Variants in RABGAP1 observed in about 807,000 individuals in gnomAD.
The protein encoded by RABGAP1 is rab GTPase-activating protein 1.
In RABGAP1, 23 loss-of-function variants were observed where a neutral mutation model predicts 137.6. That is an observed-to-expected ratio of 0.17 (90% CI 0.12 to 0.24). RABGAP1 has a LOEUF of 0.24. Among genes scored for constraint, RABGAP1 ranks in the 10% least tolerant of loss-of-function variants. RABGAP1 has a pLI of 1.00. For synonymous variants in RABGAP1, 451 were observed against 450.7 expected (o/e 1.00, Z -0.01); for missense variants, 906 against 1,275.8 (o/e 0.71, Z 4.42).
chr9:122,950,367 CTTTTTCTTTCTTTTTTTTT>C (rs1834164140), intron 1 of RABGAP1, among the ~76,000 whole-genome samples: 1 of 60,414 alleles, frequency 1.7e-5, no homozygotes, highest in Non-Finnish European at 3.1e-5. Flanking sequence ...TTTTCTTTTT[CTTTTTCTTTCTTTTTTTTT>C]TTTTTTTTTT....
At chr9:123,064,831 G>T (rs2132119066) in intron 13 of RABGAP1, among the ~76,000 whole-genome samples, 1 of 152,310 alleles carries the variant, frequency 6.6e-6, no homozygotes, top group African/African-American at 2.4e-5. Context: ...GCATTTGGTG[G>T]TCTTGTTCAT....
intron 1 of RABGAP1, among the ~76,000 whole-genome samples, chr9:122,952,657 G>T (rs1181401614): frequency 6.6e-6 from 1 of 152,078 alleles, no homozygotes; most frequent in African/African-American, 2.4e-5. Context: ...GATCACCTGA[G>T]CCCGGGAGTT....
At chr9:122,942,669 C>CAAAAAAAAAAAAAAAAA (rs10660327) in intron 1 of RABGAP1, among the ~76,000 whole-genome samples, 14 of 90,330 alleles carry the variant, frequency 1.5e-4, no homozygotes, top group Non-Finnish European at 2.7e-4. Flanking sequence ...GACTCCGTCT[C>CAAAAAAAAAAAAAAAAA]AAAAAAAAAA....
intron 1 of RABGAP1, among the ~76,000 whole-genome samples, chr9:122,951,767 G>A (rs1834263567): frequency 6.6e-6 from 1 of 152,104 alleles, no homozygotes; most frequent in African/African-American, 2.4e-5. Flanking sequence ...GAGATGGGAT[G>A]TAACTATATT....
chr9:122,949,479 A>T (rs1028276564), intron 1 of RABGAP1, among the ~76,000 whole-genome samples: 1 of 151,998 alleles, frequency 6.6e-6, no homozygotes. Flanking sequence ...ATGCCATTGC[A>T]CTCCAACCTG....
chr9:123,015,710 T>A, intron 12 of RABGAP1, 74 bp downstream of exon 12: 1 of 1,043,512 alleles, frequency 9.6e-7, no homozygotes, highest in Non-Finnish European at 1.4e-6. Flanking sequence ...CTAACTATAA[T>A]CAATTTTGGA....
chr9:122,958,301 A>G (rs191812947), intron 2 of RABGAP1, among the ~76,000 whole-genome samples: 1 of 152,228 alleles, frequency 6.6e-6, no homozygotes, highest in Non-Finnish European at 1.5e-5. Flanking sequence ...GAAGCTGCCT[A>G]TGGCTGAGAG....
At chr9:122,965,176 C>A (rs1192620210) in intron 2 of RABGAP1, among the ~76,000 whole-genome samples, 1 of 152,070 alleles carries the variant, frequency 6.6e-6, no homozygotes, top group East Asian at 1.9e-4. Flanking sequence ...CTGATACATG[C>A]TACTACATAG....
At chr9:123,089,200 G>A (rs1221195035) in intron 19 of RABGAP1, among the ~76,000 whole-genome samples, 2 of 152,136 alleles carry the variant, frequency 1.3e-5, no homozygotes, top group African/African-American at 4.8e-5. Flanking sequence ...GTAGGAGAGA[G>A]GAAAGGGAGG....
chr9:123,074,294 C>T lies in RABGAP1; in HGVS notation c.2119C>T (p.Pro707Ser). 6.2e-7 allele frequency: 1 copy of T among 1,613,780 alleles called. No individual in the cohort carries two copies. ...TGGTTTGCTATTTCAGGAATACATT[C>T]CTGACCTGTACAACCACTTCCTGGA... ...QLERLMQEYI[P>S]DLYNHFLDIS... Residue 707 changes from proline (P) to serine (S), a missense_variant, in exon 17 of 26, where the codon CCT becomes TCT. Pro to Ser is a moderately conservative substitution (Grantham distance 74). Transcript: ENST00000373647.
chr9:123,020,044 T>G (rs619919), intron 12 of RABGAP1, among the ~76,000 whole-genome samples: 125,978 of 146,138 alleles, frequency 0.86, 54,902 homozygotes, highest in Middle Eastern at 0.92. Flanking sequence ...TTTGCTTTTT[T>G]TTTTTTTTTT....
At chr9:123,098,937 G>A in intron 23 of RABGAP1, 139 bp downstream of exon 23, 1 of 559,730 alleles carries the variant, frequency 1.8e-6, no homozygotes, top group Non-Finnish European at 3.2e-6. Context: ...GCACTGACAA[G>A]TGGCTTCACT....
chr9:122,973,393 T>A (rs139449049), intron 2 of RABGAP1, among the ~76,000 whole-genome samples: 2 of 151,966 alleles, frequency 1.3e-5, no homozygotes, highest in African/African-American at 4.8e-5. Flanking sequence ...CCCACCACCA[T>A]GCCCGGCTAA....
At chr9:122,933,478 G>T in the RABGAP1 span, among the ~76,000 whole-genome samples, 2 of 133,130 alleles carry the variant, frequency 1.5e-5, no homozygotes, top group Admixed American at 1.4e-4. Context: ...ATTTGCGAGG[G>T]AGTCTCACTG....
At chr9:122,933,865 C>T in the RABGAP1 span, among the ~76,000 whole-genome samples, 81 of 152,090 alleles carry the variant, frequency 5.3e-4, 1 homozygote, top group South Asian at 8.1e-3. Flanking sequence ...CCTCCCACCT[C>T]GGCCTCCCAA....
At position 123,057,925 on chromosome 9, in the gene RABGAP1, C is replaced by T. The variant is rs990288426; in HGVS notation, c.1795-7423C>T. On this transcript the variant is annotated intron_variant, in intron 13 of 25. Transcript: ENST00000373647. ...AAAACCAGTCAGGCGTGGCGGCGCG[C>T]GCCTGCAATCACAGGCACTGGGCAG... Among the ~76,000 whole-genome samples the T allele has an allele frequency of 3.9e-5, 6 of 152,308 alleles. No homozygotes were observed. In the East Asian group the frequency reaches 9.7e-4, roughly 25 times the overall value.
chr9:123,087,345 G>GT (rs977338873), intron 19 of RABGAP1, among the ~76,000 whole-genome samples: 25 of 151,348 alleles, frequency 1.7e-4, no homozygotes, highest in Middle Eastern at 6.8e-3. Flanking sequence ...GTGTCAATTT[G>GT]TTTTTTTTTA....
At chr9:122,940,953 G>T (rs1383012110), upstream of RABGAP1, 1 of 151,680 alleles carries the variant, frequency 6.6e-6, no homozygotes, top group Non-Finnish European at 1.5e-5. Context: ...ACGGGGCAGG[G>T]GGCGGGGCGG....
At chr9:123,023,805 GTATT>G (rs551725399) in intron 13 of RABGAP1, among the ~76,000 whole-genome samples, 130 of 151,996 alleles carry the variant, frequency 8.6e-4, no homozygotes, top group African/African-American at 3.0e-3. Flanking sequence ...TTTCTATAAA[GTATT>G]TATTCTGAAC....
Sources: gnomAD v4.1 joint callset for allele counts (sites outside exome capture counted in the v4.1 genomes callset) on GRCh38, gnomAD v4.1.1 for gene constraint, MANE v1.5 for transcripts, NCBI Gene and HGNC (gene_info 2026-07-23, HGNC 2026-07-21) for gene names.